The following GSR variants were observed in gnomAD, a reference collection of about 807,000 sequenced individuals.
The protein encoded by GSR is glutathione reductase, mitochondrial.
GSR carries 48 observed loss-of-function variants against 56.5 expected under a neutral mutation model. The ratio of observed to expected loss-of-function variants is 0.85; its 90% CI spans 0.67 to 1.08. The LOEUF is 1.08. GSR is among the 50% of genes least tolerant of loss of function. The pLI, the probability that GSR is intolerant of heterozygous loss-of-function variation, is 0.00. For missense variants in GSR, 694 were observed against 703.3 expected, an observed-to-expected ratio of 0.99 and a Z score of 0.15; for synonymous variants, 264 against 270.8, an observed-to-expected ratio of 0.97 and a Z score of 0.25.
chr8:30,727,700 AG>A lies in GSR; in HGVS notation c.135del (p.Cys46AlafsTer24). ...CCCTGCGGCTGCGGCTCCTGCCTGC[AG>A]GCCATGGCACGGGAGAGGGCGCGCG... ...ALTRALSRAM[A>X]CRQEPQPQGP... On this transcript the variant is annotated frameshift_variant, in exon 1 of 13. Coordinates refer to ENST00000221130, the MANE Select transcript of GSR (RefSeq NM_000637.5). LOFTEE classifies it high-confidence loss of function. 1 of 1,432,324 alleles carries A rather than the reference AG, an allele frequency of 7.0e-7. No homozygotes were observed. Among genetic ancestry groups the A allele is most frequent in the Admixed American group, 3.0e-5 (1 of 33,672 alleles). 88.7% of individuals were successfully genotyped at this position (1,432,324 alleles called of 1,614,324 possible).
rs1803272764 is a variant in GSR at position 30,689,154 on chromosome 8, A to G, written c.1041+7T>C. ...ACAAATGTTTCGGGCAGACCAAGCC[A>G]GCTTACCAGTTTGTTTAAACTCAGG... On this transcript the variant is annotated splice_region_variant and intron_variant, in intron 9 of 12. Transcript: ENST00000221130. 4 of 1,613,726 alleles carry G rather than the reference A, an allele frequency of 2.5e-6. No individual in the cohort carries two copies. The highest frequency in any genetic ancestry group is 8.5e-7 in the Non-Finnish European group (1 of 1,179,782).
chr8:30,716,423 C>G (rs1178867105), intron 1 of GSR, among the ~76,000 whole-genome samples: 1 of 152,236 alleles, frequency 6.6e-6, no homozygotes, highest in African/African-American at 2.4e-5. Flanking sequence ...CTCCTGTGAA[C>G]AGGCCTCCAG....
At chr8:30,711,629 C>T (rs113005437) in intron 2 of GSR, among the ~76,000 whole-genome samples, 12 of 152,098 alleles carry the variant, frequency 7.9e-5, no homozygotes, top group African/African-American at 1.9e-4. Context: ...GTCAGGAGTT[C>T]GAGACCAGCC....
rs181679336 is a variant in GSR at position 30,683,846 on chromosome 8, C to T, written c.1153+242G>A. Among the ~76,000 whole-genome samples the T allele has an allele frequency of 5.3e-5, 8 of 152,064 alleles. No individual in the cohort carries two copies. In the East Asian group the frequency reaches 9.7e-4, roughly 18 times the overall value. On this transcript the variant is annotated intron_variant, in intron 10 of 12. Coordinates refer to ENST00000221130, the MANE Select transcript of GSR (RefSeq NM_000637.5). The stretch of plus-strand genomic sequence containing the variant: ...CACAAGTCTGCTCCTAAGAGAGTTC[C>T]GCAACGGGTGATCATATTGTCTACA...
At chr8:30,690,818 A>C (rs892820398) in intron 8 of GSR, among the ~76,000 whole-genome samples, 2 of 152,178 alleles carry the variant, frequency 1.3e-5, no homozygotes, top group Non-Finnish European at 2.9e-5. Context: ...TAATCTCAAC[A>C]CTTTGGGAGG....
intron 1 of GSR, among the ~76,000 whole-genome samples, chr8:30,719,793 G>A (rs1348562761): frequency 1.3e-5 from 2 of 152,120 alleles, no homozygotes; most frequent in Non-Finnish European, 2.9e-5. Context: ...ATTTTTCCTA[G>A]GGCCTGCCTC....
intron 1 of GSR, among the ~76,000 whole-genome samples, chr8:30,716,799 C>A (rs960246036): frequency 2.0e-5 from 3 of 151,958 alleles, no homozygotes; most frequent in East Asian, 3.9e-4. Flanking sequence ...AGAATGAGAC[C>A]CTATCTCAAA....
intron 3 of GSR, among the ~76,000 whole-genome samples, chr8:30,709,608 G>C (rs542079284): frequency 6.6e-6 from 1 of 152,156 alleles, no homozygotes; most frequent in Non-Finnish European, 1.5e-5. Context: ...AAAAGTTCTG[G>C]AAGTGGTAAT....
At position 30,680,841 on chromosome 8, in the gene GSR, C is replaced by G. The variant is rs547551690; in HGVS notation, c.1419+63G>C. On this transcript the variant is annotated intron_variant, in intron 12 of 12. Transcript: ENST00000221130. The stretch of plus-strand genomic sequence containing the variant: ...TTGGTCTCCCTCCTTTCCACCCCTG[C>G]AAAATACTGCCATCCCTGTCCATTT... The G allele has an allele frequency of 1.7e-5, 25 of 1,515,008 alleles. No individual in the cohort carries two copies. The African/African-American group carries it at 3.3e-4, about 20-fold the overall frequency. 93.8% of individuals were successfully genotyped at this position (1,515,008 alleles called of 1,614,324 possible). A position where few individuals can be genotyped will look rare whatever the true frequency, so the allele number is the denominator to read the frequency against.
chr8:30,716,916 A>C lies in GSR; in HGVS notation c.307-4828T>G, dbSNP rs548818952. ...CTGCTGCTCCCTTCTCTTTCCCCCC[A>C]AATTTTTTTTTTTTCAATTTCTTAC... is the stretch of plus-strand genomic sequence containing the variant. On this transcript the variant is annotated intron_variant, in intron 1 of 12. Coordinates refer to ENST00000221130, the MANE Select transcript of GSR (RefSeq NM_000637.5). Among the ~76,000 whole-genome samples, 450 of 150,910 alleles carry C rather than the reference A, an allele frequency of 3.0e-3. 2 individuals carry two copies. Among genetic ancestry groups the C allele is most frequent in the African/African-American group, 0.01 (420 of 41,144 alleles).
At chr8:30,723,783 A>AACAC (rs5890533) in intron 1 of GSR, among the ~76,000 whole-genome samples, 42 of 52,618 alleles carry the variant, frequency 8.0e-4, no homozygotes, top group African/African-American at 9.7e-4. Flanking sequence ...CAGAGCAACA[A>AACAC]ACACACACAC....
intron 1 of GSR, among the ~76,000 whole-genome samples, chr8:30,716,967 G>GTGC (rs1232698439): frequency 6.6e-6 from 1 of 152,068 alleles, no homozygotes; most frequent in African/African-American, 2.4e-5. Context: ...GCTGGGCATG[G>GTGC]TGGCTTATGC....
intron 1 of GSR, among the ~76,000 whole-genome samples, chr8:30,716,041 G>A (rs770604674): frequency 2.0e-5 from 3 of 151,924 alleles, no homozygotes; most frequent in Non-Finnish European, 4.4e-5. Flanking sequence ...TTGCTTCTAC[G>A]TCGTCTTAGC....
chr8:30,721,813 G>A (rs946419916), intron 1 of GSR, among the ~76,000 whole-genome samples: 1 of 151,896 alleles, frequency 6.6e-6, no homozygotes, highest in East Asian at 1.9e-4. Context: ...TTGAGGTCAG[G>A]AGTTCGAGAC....
At chr8:30,692,495 CTTTTTT>C (rs71206280) in intron 8 of GSR, among the ~76,000 whole-genome samples, 3 of 59,074 alleles carry the variant, frequency 5.1e-5, no homozygotes, top group Admixed American at 2.9e-4. Context: ...CACACCCAGA[CTTTTTT>C]TTTTTTTTTT....
intron 12 of GSR, among the ~76,000 whole-genome samples, chr8:30,680,447 G>T (rs2911679): frequency 0.98 from 140,900 of 143,920 alleles, 68,987 homozygotes; most frequent in East Asian, 1. Context: ...CAGGCTGGAG[G>T]GCAGTAGCAT....
intron 1 of GSR, among the ~76,000 whole-genome samples, chr8:30,724,843 T>A (rs1804673505): frequency 6.6e-6 from 1 of 152,188 alleles, no homozygotes; most frequent in Admixed American, 6.5e-5. Flanking sequence ...GTTACATTCT[T>A]GTGAGGTTCT....
chr8:30,683,680 A>C (rs944395114), intron 10 of GSR, among the ~76,000 whole-genome samples: 9 of 151,044 alleles, frequency 6.0e-5, no homozygotes, highest in African/African-American at 2.2e-4. Flanking sequence ...GGATCACCTG[A>C]GCCCAGGAAG....
intron 7 of GSR, among the ~76,000 whole-genome samples, chr8:30,693,898 GGA>G (rs1382404248): frequency 1.3e-5 from 2 of 152,164 alleles, no homozygotes; most frequent in Non-Finnish European, 2.9e-5. Context: ...ATTTGGGATG[GGA>G]GAGGGCAGGA....
Sources: gnomAD v4.1 joint callset for allele counts (sites outside exome capture counted in the v4.1 genomes callset) on GRCh38, gnomAD v4.1.1 for gene constraint, MANE v1.5 for transcripts, NCBI Gene and HGNC (gene_info 2026-07-23, HGNC 2026-07-21) for gene names.